Variants in FRMD3 observed in about 807,000 individuals in gnomAD.
FRMD3 encodes FERM domain containing 3, also known as FERM domain-containing protein 3.
FRMD3 carries 33 observed loss-of-function variants against 70.2 expected under a neutral mutation model. That is an observed-to-expected ratio of 0.47 (90% CI 0.36 to 0.63). FRMD3 has a LOEUF of 0.63. FRMD3 is among the 20% of genes least tolerant of loss of function. The pLI, the probability that FRMD3 is intolerant of heterozygous loss-of-function variation, is 0.00. For missense variants in FRMD3, 632 were observed against 711.4 expected, an observed-to-expected ratio of 0.89 and a Z score of 1.27; for synonymous variants, 279 against 255.9, an observed-to-expected ratio of 1.09 and a Z score of -0.86.
chr9:83,479,726 A>AGGG (rs1828510624), intron 1 of FRMD3, among the ~76,000 whole-genome samples: 2 of 54,590 alleles, frequency 3.7e-5, no homozygotes, highest in Non-Finnish European at 7.1e-5. Context: ...GAAAGAAAAG[A>AGGG]AAGGGAAAGA....
intron 1 of FRMD3, among the ~76,000 whole-genome samples, chr9:83,432,931 T>C (rs1275409002): frequency 6.6e-6 from 1 of 152,202 alleles, no homozygotes; most frequent in Non-Finnish European, 1.5e-5. Context: ...ATTATACAAC[T>C]CTGCATGCCT....
In FRMD3 at chr9:83,313,462, T is replaced by G. The variant is rs192642645; in HGVS notation, c.684+198A>C. ...AATATGGCTACTACATGGCAATCAATGAACAATTGGAAGACTCCAATGGAG... is the reference window on the plus strand; with the variant it reads ...AATATGGCTACTACATGGCAATCAAGGAACAATTGGAAGACTCCAATGGAG... On this transcript the variant is annotated intron_variant, in intron 7 of 13. Transcript: ENST00000304195. 3.9e-5 allele frequency among the ~76,000 whole-genome samples: 6 copies of G among 152,258 alleles called. No homozygotes were observed. In the East Asian group the frequency reaches 7.7e-4, roughly 20 times the overall value.
At chr9:83,567,061 G>A in the FRMD3 span, among the ~76,000 whole-genome samples, 2 of 152,220 alleles carry the variant, frequency 1.3e-5, no homozygotes, top group South Asian at 2.1e-4. Context: ...CCCTGCCCCT[G>A]CAGCAAACTT....
chr9:83,438,438 G>T (rs1827201186), intron 1 of FRMD3, among the ~76,000 whole-genome samples: 1 of 151,794 alleles, frequency 6.6e-6, no homozygotes, highest in African/African-American at 2.4e-5. Context: ...GTTTTGTTTT[G>T]AGATGGAGTC....
At chr9:83,541,958 T>C (rs994893424), upstream of FRMD3, among the ~76,000 whole-genome samples, 3 of 152,148 alleles carry the variant, frequency 2.0e-5, no homozygotes, top group African/African-American at 7.2e-5. Flanking sequence ...ATTATTATTT[T>C]TTACCGATTG....
chr9:83,479,667 GGAAGGAAAGAAA>G (rs1564096721), intron 1 of FRMD3, among the ~76,000 whole-genome samples: 14 of 39,322 alleles, frequency 3.6e-4, no homozygotes, highest in African/African-American at 6.7e-4. Context: ...AAGGAAGGAA[GGAAGGAAAGAAA>G]GAAAGAAAGA....
chr9:83,335,396 G>T, intron 6 of FRMD3, 120 bp downstream of exon 6: 2 of 1,073,242 alleles, frequency 1.9e-6, no homozygotes, highest in Non-Finnish European at 2.6e-6. Flanking sequence ...GCGCTGCCAC[G>T]CAAAACAGCC....
intron 3 of FRMD3, among the ~76,000 whole-genome samples, chr9:83,366,632 T>TA (rs1002587677): frequency 1.3e-5 from 2 of 152,192 alleles, no homozygotes; most frequent in African/African-American, 4.8e-5. Flanking sequence ...GTGACAAGAT[T>TA]AAATGCTTTG....
chr9:83,458,430 A>AAC (rs1371337906), intron 1 of FRMD3, among the ~76,000 whole-genome samples: 1 of 152,236 alleles, frequency 6.6e-6, no homozygotes, highest in African/African-American at 2.4e-5. Flanking sequence ...GATGAGACAA[A>AAC]ACAATCTGAA....
At chr9:83,266,138 A>T (rs533215249) in intron 13 of FRMD3, among the ~76,000 whole-genome samples, 2 of 149,084 alleles carry the variant, frequency 1.3e-5, no homozygotes, top group African/African-American at 2.5e-5. Flanking sequence ...CCCATTTATA[A>T]AAAAAAAAAA....
chr9:83,343,868 T>C (rs950677863), intron 4 of FRMD3, among the ~76,000 whole-genome samples: 1 of 152,196 alleles, frequency 6.6e-6, no homozygotes, highest in African/African-American at 2.4e-5. Context: ...CAGATGCCTA[T>C]TGAGGCCAGG....
At chr9:83,369,621 T>TAAATAAAA (rs1295025591) in intron 3 of FRMD3, among the ~76,000 whole-genome samples, 11 of 143,722 alleles carry the variant, frequency 7.7e-5, no homozygotes, top group Admixed American at 2.8e-4. Flanking sequence ...AATAAATAAA[T>TAAATAAAA]AAAATACACA....
At chr9:83,557,924 C>A in the FRMD3 span, among the ~76,000 whole-genome samples, 2 of 152,134 alleles carry the variant, frequency 1.3e-5, no homozygotes, top group Non-Finnish European at 2.9e-5. Context: ...TAAATGTTTG[C>A]CTATGGCTCT....
chr9:83,489,916 A>T (rs1221870895), intron 1 of FRMD3, among the ~76,000 whole-genome samples: 1 of 152,180 alleles, frequency 6.6e-6, no homozygotes, highest in Non-Finnish European at 1.5e-5. Context: ...GGTCACACAC[A>T]CTCAGTAGGC....
intron 12 of FRMD3, among the ~76,000 whole-genome samples, chr9:83,293,115 T>G (rs1436456868): frequency 6.6e-6 from 1 of 151,972 alleles, no homozygotes; most frequent in Non-Finnish European, 1.5e-5. Context: ...GCTGTTCTGG[T>G]GAGCACAGTG....
intron 1 of FRMD3, among the ~76,000 whole-genome samples, chr9:83,414,399 G>A (rs900831385): frequency 6.6e-6 from 1 of 152,094 alleles, no homozygotes; most frequent in African/African-American, 2.4e-5. Flanking sequence ...AAATATAAGA[G>A]TACATCATCA....
In FRMD3 at chr9:83,316,079, T is replaced by C. The variant is rs944592364; in HGVS notation, c.597-2332A>G. 2.0e-5 allele frequency among the ~76,000 whole-genome samples: 3 copies of C among 152,176 alleles called. No homozygotes were observed. In the South Asian group the frequency reaches 6.2e-4, roughly 32 times the overall value. On this transcript the variant is annotated intron_variant, in intron 6 of 13. Coordinates refer to ENST00000304195, the MANE Select transcript of FRMD3 (RefSeq NM_174938.6). ...TCTCCTATTCCTTTTCTAATGCTTTTCCTGTTATCCATAAGGACTCGGTGA... is the reference window on the plus strand; with the variant it reads ...TCTCCTATTCCTTTTCTAATGCTTTCCCTGTTATCCATAAGGACTCGGTGA...
At chr9:83,309,381 C>T (rs946894294) in intron 10 of FRMD3, among the ~76,000 whole-genome samples, 155 bp downstream of exon 10, 5 of 151,722 alleles carry the variant, frequency 3.3e-5, no homozygotes, top group Non-Finnish European at 7.4e-5. Flanking sequence ...CAACAATCAC[C>T]GGGAGTCACC....
intron 13 of FRMD3, among the ~76,000 whole-genome samples, chr9:83,252,647 A>T (rs986293062): frequency 1.3e-5 from 2 of 152,224 alleles, no homozygotes; most frequent in Admixed American, 1.3e-4. Context: ...AGACACACAT[A>T]GGCTCAAAAT....
Sources: gnomAD v4.1 joint callset for allele counts (sites outside exome capture counted in the v4.1 genomes callset) on GRCh38, gnomAD v4.1.1 for gene constraint, MANE v1.5 for transcripts, NCBI Gene and HGNC (gene_info 2026-07-23, HGNC 2026-07-21) for gene names.